Variants in COL12A1 observed in about 807,000 individuals in gnomAD.
COL12A1 encodes the protein collagen type XII alpha 1 chain, also known as collagen alpha-1(XII) chain.
In COL12A1, 114 loss-of-function variants were observed where a neutral mutation model predicts 349.7. That is an observed-to-expected ratio of 0.33 (90% CI 0.28 to 0.38). COL12A1 has a LOEUF of 0.38. Ranked by LOEUF, COL12A1 falls within the 10% of genes least tolerant of loss-of-function variation. COL12A1 has a pLI of 1.00. For missense variants in COL12A1, 3,284 were observed against 3,756.9 expected, an observed-to-expected ratio of 0.87 and a Z score of 3.29; for synonymous variants, 1,369 against 1,329.0, an observed-to-expected ratio of 1.03 and a Z score of -0.66.
At chr6:75,154,328 T>C (rs1767643286) in intron 17 of COL12A1, 88 bp downstream of exon 17, 3 of 1,359,402 alleles carry the variant, frequency 2.2e-6, no homozygotes, top group Non-Finnish European at 2.9e-6. Context: ...TTTGTATCAT[T>C]GTTTTCCATT....
chr6:75,193,831 G>A (rs1250716857), intron 3 of COL12A1, among the ~76,000 whole-genome samples: 1 of 151,882 alleles, frequency 6.6e-6, no homozygotes, highest in Non-Finnish European at 1.5e-5. Flanking sequence ...GCGGTGTTTG[G>A]TTTTTTGTCT....
At chr6:75,189,166 A>G in intron 7 of COL12A1, 51 bp downstream of exon 7, 2 of 1,558,770 alleles carry the variant, frequency 1.3e-6, no homozygotes, top group Non-Finnish European at 1.7e-6. Flanking sequence ...CTAAACATTA[A>G]GTATACTGTA....
chr6:75,155,312 C>G (rs1767696125), intron 16 of COL12A1, among the ~76,000 whole-genome samples: 1 of 152,102 alleles, frequency 6.6e-6, no homozygotes, highest in African/African-American at 2.4e-5. Flanking sequence ...CAGGAACCCC[C>G]ATGCTTCCAC....
intron 4 of COL12A1, 66 bp from the exon 5 acceptor site, chr6:75,191,826 TA>T: frequency 4.0e-6 from 4 of 1,007,988 alleles, no homozygotes; most frequent in African/African-American, 1.7e-5. Flanking sequence ...TAAAATAGAA[TA>T]AATATATTAT....
intron 21 of COL12A1, among the ~76,000 whole-genome samples, 168 bp downstream of exon 21, chr6:75,150,973 A>G (rs1767449748): frequency 6.6e-6 from 1 of 152,168 alleles, no homozygotes; most frequent in South Asian, 2.1e-4. Flanking sequence ...GATCTTTTTA[A>G]TTGCCACAAT....
intron 26 of COL12A1, 84 bp downstream of exon 26, chr6:75,143,168 C>G (rs2149402567): frequency 1.4e-6 from 2 of 1,459,392 alleles, no homozygotes; most frequent in East Asian, 2.3e-5. Context: ...TCAAAACATG[C>G]TATCATCCAT....
intron 50 of COL12A1, 115 bp from the exon 51 acceptor site, chr6:75,113,428 A>G: frequency 6.3e-6 from 6 of 950,598 alleles, no homozygotes; most frequent in Non-Finnish European, 8.8e-6. Flanking sequence ...AATTTCAGTT[A>G]TGATAAAATG....
intron 60 of COL12A1, 41 bp from the exon 61 acceptor site, chr6:75,091,566 T>C (rs1767769459): frequency 1.3e-6 from 2 of 1,578,194 alleles, no homozygotes; most frequent in Non-Finnish European, 1.7e-6. Context: ...CTGACAAACA[T>C]ACTCTAAAAT....
At chr6:75,151,406 A>G (rs1767479889) in intron 20 of COL12A1, 119 bp from the exon 21 acceptor site, 1 of 781,734 alleles carries the variant, frequency 1.3e-6, no homozygotes, top group Non-Finnish European at 2.0e-6. Context: ...TGAAGGTTTA[A>G]TAATTAGTTA....
Position 75,091,890 on chromosome 6 carries a change from A to C in COL12A1, c.8650-365T>G, listed in dbSNP as rs1468138797. 2.0e-5 allele frequency among the ~76,000 whole-genome samples: 3 copies of C among 152,188 alleles called. No individual in the cohort carries two copies. The East Asian group carries it at 5.8e-4, about 29-fold the overall frequency. ...CCCTTGTACCGCCATACTTTGCTTT[A>C]TATCATCATAGTTGGTTATCTGAGC... On this transcript the variant is annotated intron_variant, in intron 60 of 65. Transcript: ENST00000322507.
Position 75,126,448 on chromosome 6 carries a change from G to A in COL12A1, c.6363C>T (p.Asn2121=), listed in dbSNP as rs1209546925. 1 of 1,610,714 alleles carries A rather than the reference G, an allele frequency of 6.2e-7. No individual in the cohort carries two copies. Among genetic ancestry groups the A allele is most frequent in the South Asian group, 1.1e-5 (1 of 90,986 alleles). ...GRTVGLLPPQ[N]IHISDEWYTR... is the part of the protein sequence containing the mutation. ...TATACCATTCGTCAGAGATGTGTAT[G>A]TTCTGAGGAGGAAGGAGTCCCACTG... The change falls in exon 39 of 66, where the codon AAC becomes AAT. Residue 2121 remains asparagine (N), a synonymous_variant. Transcript: ENST00000322507.
In COL12A1 at chr6:75,147,803, A is replaced by G. The variant is rs1371681164; in HGVS notation, c.4289T>C (p.Phe1430Ser). 6.2e-7 allele frequency: 1 copy of G among 1,611,650 alleles called. No homozygotes were observed. The highest frequency in any genetic ancestry group is 8.5e-7 in the Non-Finnish European group (1 of 1,179,138). ...GCTAGTTTCCATTCGACTCACATAA[A>G]ACTAGGGGGAAAAATTAAACAGAGC... The part of the protein sequence containing the change: ...YPVSGGKRQE[F>S]YVSRMETSTV... The change falls in exon 23 of 66, where the codon TTT (phenylalanine) becomes TCT (serine). Residue 1430 changes from phenylalanine (F) to serine (S), a missense_variant and splice_region_variant. Around this residue, in one of 2 missense-constraint regions of COL12A1, gnomAD observed 2,601 missense variants for 2,824.8 expected, o/e 0.92. Coordinates refer to ENST00000322507, the MANE Select transcript of COL12A1 (RefSeq NM_004370.6).
Position 75,095,623 on chromosome 6 carries a change from C to CAA in COL12A1, c.8578-446_8578-445dup, listed in dbSNP as rs58205028. The stretch of plus-strand genomic sequence containing the variant: ...TGGGCGACAGAGCGAGACTCCGTCT[C>CAA]AAAAAAAAAAAAAAAAAAAAAAAAA... On this transcript the variant is annotated intron_variant, in intron 59 of 65. Coordinates refer to ENST00000322507, the MANE Select transcript of COL12A1 (RefSeq NM_004370.6). Among the ~76,000 whole-genome samples, 35 of 102,092 alleles carry CAA rather than the reference C, an allele frequency of 3.4e-4. 1 individual carries two copies. The highest frequency in any genetic ancestry group is 1.1e-3 in the African/African-American group (27 of 25,128). 67.0% of individuals were successfully genotyped at this position (102,092 alleles called of 152,430 possible).
chr6:75,125,396 A>G (rs1322796977), intron 39 of COL12A1, 123 bp from the exon 40 acceptor site: 7 of 822,722 alleles, frequency 8.5e-6, no homozygotes, highest in Non-Finnish European at 1.3e-5. Flanking sequence ...GTCCTCATAC[A>G]CTTACTCACT....
At chr6:75,185,677 A>G (rs1205780386) in intron 8 of COL12A1, among the ~76,000 whole-genome samples, 1 of 152,188 alleles carries the variant, frequency 6.6e-6, no homozygotes, top group Non-Finnish European at 1.5e-5. Context: ...CTAAGCAGAA[A>G]GAACAATGCT....
In COL12A1 at chr6:75,147,764, T is replaced by C; in HGVS notation, c.4328A>G (p.Asp1443Gly). 1 of 1,613,624 alleles carries C rather than the reference T, an allele frequency of 6.2e-7. No homozygotes were observed. Among genetic ancestry groups the C allele is most frequent in the Non-Finnish European group, 8.5e-7 (1 of 1,179,656 alleles). ...SRMETSTVLK[D>G]LKPETEYVVN... ...AACATATTCAGTTTCAGGTTTCAGA[T>C]CTTTCAGCACTGTGCTAGTTTCCAT... The change falls in exon 23 of 66, where the codon GAT (aspartate) becomes GGT (glycine). Residue 1443 changes from aspartate (D) to glycine (G), a missense_variant. Physicochemically the swap from Asp to Gly is moderately conservative, Grantham distance 94. Coordinates refer to ENST00000322507, the MANE Select transcript of COL12A1 (RefSeq NM_004370.6).
At chr6:75,095,899 G>C in intron 59 of COL12A1, among the ~76,000 whole-genome samples, 1 of 152,104 alleles carries the variant, frequency 6.6e-6, no homozygotes. Context: ...AATTTAGGCT[G>C]GAGAAGAATT....
rs753416077 is a variant in COL12A1 at position 75,124,241 on chromosome 6, T to C, written c.6724+14A>G. The C allele has an allele frequency of 6.2e-7, 1 of 1,607,054 alleles. No individual in the cohort carries two copies. Reference sequence around the variant, plus strand: ...ACATGCTCCAGATCATTTTTTTCTTTTTTACACACATACCATCTGCAGGGC... The same window carrying C: ...ACATGCTCCAGATCATTTTTTTCTTCTTTACACACATACCATCTGCAGGGC... On this transcript the variant is annotated intron_variant, in intron 41 of 65. Coordinates refer to ENST00000322507, the MANE Select transcript of COL12A1 (RefSeq NM_004370.6).
intron 59 of COL12A1, among the ~76,000 whole-genome samples, chr6:75,096,875 G>T (rs929961682): frequency 7.9e-6 from 1 of 125,950 alleles, no homozygotes; most frequent in Non-Finnish European, 1.6e-5. Context: ...CAGCCTGGGC[G>T]ACAGAGCGAG....
Sources: gnomAD v4.1 joint callset for allele counts (sites outside exome capture counted in the v4.1 genomes callset) on GRCh38, gnomAD v4.1.1 for gene constraint, gnomAD v4.1.1 regional missense constraint, MANE v1.5 for transcripts, NCBI Gene and HGNC (gene_info 2026-07-23, HGNC 2026-07-21) for gene names.